RANBP9: variants seen among roughly 807,000 people sequenced by gnomAD.
The protein encoded by RANBP9 is RAN binding protein 9.
Under a neutral mutation model 84.3 loss-of-function variants are expected in RANBP9, and 15 were observed. The observed-to-expected ratio is 0.18, with a 90% CI of 0.12 to 0.27. The LOEUF (loss-of-function observed/expected upper bound fraction) is 0.27. Among genes scored for constraint, RANBP9 ranks in the 10% least tolerant of loss-of-function variants. The probability of loss-of-function intolerance (pLI) is 1.00; values close to 1 mark genes in which losing one functional copy is unlikely to be tolerated. For missense variants in RANBP9, 809 were observed against 912.8 expected (o/e 0.89, Z 1.46); for synonymous variants, 392 against 349.6 (o/e 1.12, Z -1.35).
intron 4 of RANBP9, 131 bp downstream of exon 4, chr6:13,656,978 G>A (rs1364698273): frequency 1.2e-6 from 1 of 858,274 alleles, no homozygotes; most frequent in African/African-American, 1.7e-5. Flanking sequence ...TTCTGTCTGG[G>A]AAAAAGAAAG....
chr6:13,647,254 T>A (rs1765192308), intron 5 of RANBP9, among the ~76,000 whole-genome samples: 1 of 152,194 alleles, frequency 6.6e-6, no homozygotes, highest in Non-Finnish European at 1.5e-5. Context: ...TATGTGATAT[T>A]ATACCATATT....
intron 5 of RANBP9, among the ~76,000 whole-genome samples, chr6:13,647,511 C>T (rs930111560): frequency 3.3e-5 from 5 of 152,052 alleles, no homozygotes; most frequent in African/African-American, 1.2e-4. Context: ...GTCCTATACA[C>T]ACTAAAGCAA....
chr6:13,696,009 G>A (rs965759595), intron 2 of RANBP9, among the ~76,000 whole-genome samples: 3 of 152,084 alleles, frequency 2.0e-5, no homozygotes, highest in Non-Finnish European at 4.4e-5. Flanking sequence ...AGAGACCTCT[G>A]ATATGCAATA....
chr6:13,703,499 C>G (rs1190153026), intron 1 of RANBP9, among the ~76,000 whole-genome samples: 2 of 152,324 alleles, frequency 1.3e-5, no homozygotes, highest in East Asian at 3.9e-4. Context: ...CTTGTACCAG[C>G]AGGGTATTTT....
chr6:13,662,927 G>T (rs1765566649), intron 2 of RANBP9, among the ~76,000 whole-genome samples: 1 of 152,022 alleles, frequency 6.6e-6, no homozygotes, highest in South Asian at 2.1e-4. Flanking sequence ...GAGAAAAAAA[G>T]GTAGGGGTAT....
intron 12 of RANBP9, among the ~76,000 whole-genome samples, chr6:13,628,764 G>C (rs1265505147): frequency 6.6e-6 from 1 of 152,218 alleles, no homozygotes; most frequent in Non-Finnish European, 1.5e-5. Flanking sequence ...AACTGGTGAT[G>C]ATAACCAAAG....
chr6:13,660,894 T>C (rs1584928972), intron 2 of RANBP9, among the ~76,000 whole-genome samples: 1 of 152,228 alleles, frequency 6.6e-6, no homozygotes, highest in Non-Finnish European at 1.5e-5. Context: ...ACTTTTTATT[T>C]AGAAAGGCTA....
intron 2 of RANBP9, among the ~76,000 whole-genome samples, chr6:13,671,558 G>A (rs1443189515): frequency 6.6e-6 from 1 of 152,080 alleles, no homozygotes; most frequent in Non-Finnish European, 1.5e-5. Flanking sequence ...GTCACATTTT[G>A]TATAATTCCA....
chr6:13,661,354 G>C (rs1765535149), intron 2 of RANBP9, among the ~76,000 whole-genome samples: 1 of 152,074 alleles, frequency 6.6e-6, no homozygotes. Flanking sequence ...AGTAAAAACT[G>C]TAAGAAAGAA....
chr6:13,688,347 T>G (rs752370806), intron 2 of RANBP9, among the ~76,000 whole-genome samples: 4 of 152,320 alleles, frequency 2.6e-5, no homozygotes, highest in Non-Finnish European at 5.9e-5. Context: ...AAGCTTATGT[T>G]TAACTGTATT....
In RANBP9 at chr6:13,711,462, T is replaced by G. The variant is rs1272280092; in HGVS notation, c.44A>C (p.Gln15Pro). Residue 15 changes from glutamine to proline, a missense_variant, in exon 1 of 14, where the codon CAG (glutamine) becomes CCG (proline). By Grantham distance (76) the Gln-to-Pro change is moderately conservative. Around this residue, in one of 5 missense-constraint regions of RANBP9, gnomAD observed 302 missense variants for 240.1 expected, o/e 1.26. Transcript: ENST00000011619. The stretch of plus-strand genomic sequence containing the variant: ...CGGTGGCGGCGACAGCTGCTGCTGC[T>G]GTTGCTGCTGCTGCGGCGGCGGCGG... Reference protein sequence around the residue: ...PPPPPPQQQQQQQQLSPPPPA... With the variant: ...PPPPPPQQQQPQQQLSPPPPA... 2 of 1,235,072 alleles carry G rather than the reference T, an allele frequency of 1.6e-6. No individual in the cohort carries two copies. Among genetic ancestry groups the G allele is most frequent in the Non-Finnish European group, 2.0e-6 (2 of 989,264 alleles). 76.5% of individuals were successfully genotyped at this position (1,235,072 alleles called of 1,614,324 possible). A position where few individuals can be genotyped will look rare whatever the true frequency, so the allele number is the denominator to read the frequency against.
At chr6:13,626,198 G>A (rs1043144236) in intron 12 of RANBP9, among the ~76,000 whole-genome samples, 57 of 152,190 alleles carry the variant, frequency 3.7e-4, no homozygotes, top group African/African-American at 1.2e-3. Context: ...TCACTGGGAT[G>A]TCATCTTCTC....
Position 13,632,355 on chromosome 6 carries a change from A to C in RANBP9, c.1947+15T>G. 1.2e-6 allele frequency: 2 copies of C among 1,606,248 alleles called. No homozygotes were observed. The highest frequency in any genetic ancestry group is 2.2e-5 in the South Asian group (2 of 90,122). ...TCTGACATATTCATAATTTTTCAAG[A>C]AAAAATATATTCACCTTCAACATTT... On this transcript the variant is annotated intron_variant, in intron 12 of 13. Coordinates refer to ENST00000011619, the MANE Select transcript of RANBP9 (RefSeq NM_005493.3).
intron 5 of RANBP9, among the ~76,000 whole-genome samples, chr6:13,646,543 A>G (rs909469393): frequency 7.9e-5 from 12 of 152,244 alleles, no homozygotes; most frequent in Middle Eastern, 3.2e-3. Flanking sequence ...TAAGCAGTTT[A>G]TAATGATGAT....
intron 2 of RANBP9, among the ~76,000 whole-genome samples, chr6:13,681,273 G>C (rs76259737): frequency 6.6e-6 from 1 of 152,004 alleles, no homozygotes; most frequent in Non-Finnish European, 1.5e-5. Flanking sequence ...TGGGAGGAGG[G>C]TTTGAGATAA....
chr6:13,662,005 T>C (rs1765546704), intron 2 of RANBP9, among the ~76,000 whole-genome samples: 3 of 152,216 alleles, frequency 2.0e-5, no homozygotes, highest in Admixed American at 2.0e-4. Flanking sequence ...AAAAATAAGA[T>C]ATTTTAAGAC....
chr6:13,689,231 A>G (rs1766267824), intron 2 of RANBP9, among the ~76,000 whole-genome samples: 1 of 151,692 alleles, frequency 6.6e-6, no homozygotes, highest in African/African-American at 2.4e-5. Flanking sequence ...TAGAACTATC[A>G]TCAAGGCTCT....
intron 5 of RANBP9, among the ~76,000 whole-genome samples, chr6:13,652,127 T>C (rs1765312530): frequency 6.6e-6 from 1 of 152,216 alleles, no homozygotes; most frequent in South Asian, 2.1e-4. Context: ...GGTATTCCCA[T>C]TCTCTGTTTT....
At chr6:13,701,529 T>C (rs1355491302) in intron 1 of RANBP9, among the ~76,000 whole-genome samples, 1 of 152,152 alleles carries the variant, frequency 6.6e-6, no homozygotes, top group East Asian at 1.9e-4. Flanking sequence ...TCCCAGCACT[T>C]TGGGAGGCCA....
Sources: gnomAD v4.1 joint callset for allele counts (sites outside exome capture counted in the v4.1 genomes callset) on GRCh38, gnomAD v4.1.1 for gene constraint, gnomAD v4.1.1 regional missense constraint, MANE v1.5 for transcripts, NCBI Gene and HGNC (gene_info 2026-07-23, HGNC 2026-07-21) for gene names.